The following SLC12A9 variants were observed in gnomAD, a reference collection of about 807,000 sequenced individuals.
The protein encoded by SLC12A9 is solute carrier family 12 member 9.
A neutral mutation model predicts 66.0 loss-of-function variants in SLC12A9; 55 were observed. The ratio of observed to expected loss-of-function variants is 0.83; its 90% CI spans 0.67 to 1.04. The LOEUF is 1.04. Ranked by LOEUF, SLC12A9 falls within the 50% of genes least tolerant of loss-of-function variation. The pLI, the probability that SLC12A9 is intolerant of heterozygous loss-of-function variation, is 0.00. For synonymous variants in SLC12A9, 577 were observed against 569.0 expected (o/e 1.01, Z -0.20); for missense variants, 1,061 against 1,241.9 (o/e 0.85, Z 2.19).
intron 5 of SLC12A9, chr7:100,857,391 A>G: frequency 1.7e-6 from 1 of 593,400 alleles, no homozygotes; most frequent in Non-Finnish European, 3.0e-6. Context: ...GCTTTAGAGG[A>G]ACTTGTGTTC....
chr7:100,830,379 A>G (rs1813520614), intron 1 of SLC12A9, among the ~76,000 whole-genome samples: 1 of 152,006 alleles, frequency 6.6e-6, no homozygotes, highest in Non-Finnish European at 1.5e-5. Context: ...AAACAATAGA[A>G]AACACTCATC....
Position 100,839,396 on chromosome 7 carries a change from G to C in SLC12A9, n.228+12349G>C, listed in dbSNP as rs143324239. 8.1e-3 allele frequency among the ~76,000 whole-genome samples: 1,231 copies of C among 152,002 alleles called. 18 individuals are homozygous for C. The highest frequency in any genetic ancestry group is 0.027 in the African/African-American group (1,108 of 41,456). On this transcript the variant is annotated intron_variant and non_coding_transcript_variant, in intron 1 of 1. Transcript: ENST00000461016. ...AGACAGGAGTCTTGCTGATGCCCCT[G>C]GCCGAATAAACCCCTTCCTTCTTTA... is the stretch of plus-strand genomic sequence containing the variant.
rs2116586849 is a variant in SLC12A9, at chr7:100,854,765, A to G, written c.316+11A>G. 6.2e-7 allele frequency: 1 copy of G among 1,613,648 alleles called. No individual in the cohort carries two copies. The highest frequency in any genetic ancestry group is 8.5e-7 in the Non-Finnish European group (1 of 1,179,922). On this transcript the variant is annotated intron_variant, in intron 3 of 13. Coordinates refer to ENST00000354161, the MANE Select transcript of SLC12A9 (RefSeq NM_020246.4). ...GGGGCGGAGCCTACTGTATCCTCCA[A>G]CATCGATGGACTGGGGTCTGGCCTG...
intron 1 of SLC12A9, among the ~76,000 whole-genome samples, chr7:100,828,398 G>A (rs1374976430): frequency 1.3e-5 from 2 of 151,784 alleles, no homozygotes; most frequent in Admixed American, 6.6e-5. Flanking sequence ...AATTAGCTGG[G>A]CATGGTGGCG....
upstream of SLC12A9, among the ~76,000 whole-genome samples, chr7:100,850,274 T>A (rs576299580): frequency 2.3e-3 from 309 of 135,652 alleles, 1 homozygote; most frequent in African/African-American, 7.9e-3. Context: ...TTTTTTTTTT[T>A]ATTGAGATAA....
rs554666713 is a variant in SLC12A9 at position 100,829,523 on chromosome 7, G to C, written n.228+2476G>C. On this transcript the variant is annotated intron_variant and non_coding_transcript_variant, in intron 1 of 1. Coordinates refer to the SLC12A9 transcript ENST00000461016. The stretch of plus-strand genomic sequence containing the variant: ...GTCCTGCGCCCGGGTTGGGGGGGGT[G>C]GGCCGGTCACCGAGGGCAGGAAACA... Among the ~76,000 whole-genome samples the C allele has an allele frequency of 3.3e-5, 5 of 152,128 alleles. No homozygotes were observed. The East Asian group carries it at 9.7e-4, about 29-fold the overall frequency.
chr7:100,826,932 A>G (rs1205380705), exon 1 of SLC12A9: 9 of 1,513,674 alleles, frequency 5.9e-6, no homozygotes, highest in Admixed American at 4.2e-5. Flanking sequence ...GTTGGGGGGG[A>G]GGTCCCAGGA....
At position 100,856,857 on chromosome 7, in the gene SLC12A9, CCTCT is replaced by C; in HGVS notation, c.449-7_449-4del. The C allele has an allele frequency of 6.3e-7, 1 of 1,576,396 alleles. No homozygotes were observed. The highest frequency in any genetic ancestry group is 1.1e-5 in the South Asian group (1 of 87,546). ...ATCGGGCCTTCTAACTCTGTCCCTA[CCTCT>C]CTCCAGATGCCACAGGGCCCAGTGG... On this transcript the variant is annotated splice_polypyrimidine_tract_variant and splice_region_variant and intron_variant, in intron 4 of 13. Coordinates refer to ENST00000354161, the MANE Select transcript of SLC12A9 (RefSeq NM_020246.4).
Position 100,857,193 on chromosome 7 carries a change from C to A in SLC12A9, c.757+17C>A. 1 of 1,598,792 alleles carries A rather than the reference C, an allele frequency of 6.3e-7. No individual in the cohort carries two copies. The highest frequency in any genetic ancestry group is 2.2e-5 in the East Asian group (1 of 44,572). On this transcript the variant is annotated intron_variant, in intron 5 of 13. Coordinates refer to ENST00000354161, the MANE Select transcript of SLC12A9 (RefSeq NM_020246.4). ...ACTTGGGCGGTGAGCTGGGTGCTGC[C>A]GTGGCAGGGATCTCGGGGTGAGGGG...
In SLC12A9 at chr7:100,859,064, C is replaced by T; in HGVS notation, c.880C>T (p.Pro294Ser). ...CCCCTCTCCAGGGGAGCTGAAGGAC[C>T]CCAGCCGGGCGATCCCTCTGGGCAC... ...GANMSGELKD[P>S]SRAIPLGTIV... The change falls in exon 7 of 14, where the codon CCC (proline) becomes TCC (serine). Residue 294 changes from proline to serine, a missense_variant. By Grantham distance (74) the Pro-to-Ser change is moderately conservative. Coordinates refer to ENST00000354161, the MANE Select transcript of SLC12A9 (RefSeq NM_020246.4). 1 of 1,613,578 alleles carries T rather than the reference C, an allele frequency of 6.2e-7. No homozygotes were observed. The highest frequency in any genetic ancestry group is 8.5e-7 in the Non-Finnish European group (1 of 1,179,982).
At chr7:100,865,554 A>G (rs1815024116) in intron 13 of SLC12A9, 165 bp from the exon 14 acceptor site, 2 of 1,585,040 alleles carry the variant, frequency 1.3e-6, no homozygotes, top group Non-Finnish European at 1.7e-6. Context: ...GAAAAATGAA[A>G]AGTCTTTATG....
chr7:100,838,552 C>T (rs997796674), intron 1 of SLC12A9, among the ~76,000 whole-genome samples: 2 of 152,122 alleles, frequency 1.3e-5, no homozygotes, highest in Non-Finnish European at 2.9e-5. Context: ...GAGTCTCACT[C>T]TGTCACCAAG....
chr7:100,836,362 G>C (rs1813659359), intron 1 of SLC12A9, among the ~76,000 whole-genome samples: 1 of 152,104 alleles, frequency 6.6e-6, no homozygotes, highest in Non-Finnish European at 1.5e-5. Context: ...GTAGCAGGTC[G>C]GGCCAGGGGA....
chr7:100,844,215 A>AC (rs1269649393), intron 1 of SLC12A9, among the ~76,000 whole-genome samples: 1 of 152,204 alleles, frequency 6.6e-6, no homozygotes, highest in Non-Finnish European at 1.5e-5. Flanking sequence ...TTTTACAGTT[A>AC]TTATAAGTGT....
At position 100,855,718 on chromosome 7, in the gene SLC12A9, G is replaced by A. The variant is rs372090103; in HGVS notation, c.329G>A (p.Arg110His). ...QGGGAYFMISRTLGPEVGGSI... is the reference protein window; with the variant it reads ...QGGGAYFMISHTLGPEVGGSI... ...CTTCCACTTTCAGTCATGATCAGCC[G>A]CACACTGGGGCCCGAGGTCGGGGGC... is the stretch of plus-strand genomic sequence containing the variant. The change falls in exon 4 of 14, where the codon CGC (arginine) becomes CAC (histidine). Residue 110 changes from arginine (R) to histidine (H), a missense_variant. By Grantham distance (29) the Arg-to-His change is conservative. Coordinates refer to ENST00000354161, the MANE Select transcript of SLC12A9 (RefSeq NM_020246.4). 73 of 1,613,894 alleles carry A rather than the reference G, an allele frequency of 4.5e-5. No homozygotes were observed. The highest frequency in any genetic ancestry group is 5.8e-5 in the Non-Finnish European group (68 of 1,179,960).
At chr7:100,828,097 C>CT (rs1377936786) in intron 1 of SLC12A9, among the ~76,000 whole-genome samples, 1 of 152,212 alleles carries the variant, frequency 6.6e-6, no homozygotes, top group Non-Finnish European at 1.5e-5. Context: ...TTTGGATAGC[C>CT]TTGCAGCGAA....
chr7:100,856,911 C>T lies in SLC12A9; in HGVS notation c.492C>T (p.Tyr164=), dbSNP rs570239035. ...PSGLRVLPQG[Y]GWNLLYGSLL... ...GGCTCCGGGTCCTGCCCCAGGGCTA[C>T]GGCTGGAACCTGCTGTATGGCTCCC... Residue 164 remains tyrosine (Y), a synonymous_variant, in exon 5 of 14, where the codon TAC becomes TAT. Coordinates refer to ENST00000354161, the MANE Select transcript of SLC12A9 (RefSeq NM_020246.4). 2.3e-5 allele frequency: 37 copies of T among 1,610,112 alleles called. No individual in the cohort carries two copies. Among genetic ancestry groups the T allele is most frequent in the African/African-American group, 4.0e-5 (3 of 75,022 alleles).
intron 1 of SLC12A9, chr7:100,837,332 T>C (rs552609181): frequency 2.0e-5 from 3 of 147,558 alleles, no homozygotes; most frequent in African/African-American, 2.4e-5. Flanking sequence ...AGAATTATTA[T>C]TTTTTCCATT....
upstream of SLC12A9, among the ~76,000 whole-genome samples, chr7:100,848,892 A>G (rs1451385412): frequency 1.4e-5 from 2 of 138,724 alleles, no homozygotes; most frequent in Non-Finnish European, 3.2e-5. Flanking sequence ...TCTCAAAAAA[A>G]AGGAAAGAAA....
Sources: gnomAD v4.1 joint callset for allele counts (sites outside exome capture counted in the v4.1 genomes callset) on GRCh38, gnomAD v4.1.1 for gene constraint, MANE v1.5 for transcripts, NCBI Gene and HGNC (gene_info 2026-07-23, HGNC 2026-07-21) for gene names.